RGS7: variants seen among roughly 807,000 people sequenced by gnomAD.
RGS7 encodes the protein regulator of G protein signaling 7.
In RGS7, 27 loss-of-function variants were observed where a neutral mutation model predicts 81.1. That is an observed-to-expected ratio of 0.33 (90% CI 0.25 to 0.46). The LOEUF is 0.46. RGS7 is among the 20% of genes least tolerant of loss of function. RGS7 has a pLI of 1.00. For missense variants in RGS7, 396 were observed against 607.4 expected, an observed-to-expected ratio of 0.65 and a Z score of 3.66; for synonymous variants, 208 against 207.7, an observed-to-expected ratio of 1.00 and a Z score of -0.01.
At chr1:241,049,877 C>T (rs139893430) in intron 3 of RGS7, among the ~76,000 whole-genome samples, 1 of 152,264 alleles carries the variant, frequency 6.6e-6, no homozygotes, top group Non-Finnish European at 1.5e-5. Flanking sequence ...TCACACTGTA[C>T]TAACCCAAAA....
intron 2 of RGS7, among the ~76,000 whole-genome samples, chr1:241,125,701 G>A (rs1283585836): frequency 6.6e-6 from 1 of 152,204 alleles, no homozygotes; most frequent in East Asian, 1.9e-4. Context: ...TAATAAGTGT[G>A]TAAATATTTA....
At chr1:241,087,713 C>T (rs2063529774) in intron 3 of RGS7, among the ~76,000 whole-genome samples, 1 of 152,042 alleles carries the variant, frequency 6.6e-6, no homozygotes, top group African/African-American at 2.4e-5. Context: ...CTTTGGGAGG[C>T]CGAGGTGGGC....
chr1:240,901,849 C>T (rs35870523), intron 6 of RGS7, among the ~76,000 whole-genome samples: 19,493 of 152,184 alleles, frequency 0.13, 1,367 homozygotes, highest in Middle Eastern at 0.18. Flanking sequence ...TCAAACTTAT[C>T]ACTCTTCATT....
At chr1:241,242,995 C>A (rs534967121) in intron 2 of RGS7, among the ~76,000 whole-genome samples, 2 of 151,944 alleles carry the variant, frequency 1.3e-5, no homozygotes, top group South Asian at 2.1e-4. Flanking sequence ...TAAGTCCCAT[C>A]TATTTATCTC....
chr1:240,958,399 G>A (rs572068658), intron 4 of RGS7, among the ~76,000 whole-genome samples: 3 of 152,300 alleles, frequency 2.0e-5, no homozygotes, highest in South Asian at 4.1e-4. Context: ...CAAGGCTGGA[G>A]GCTCTTTGCG....
chr1:240,945,558 G>A (rs539324845), intron 4 of RGS7, among the ~76,000 whole-genome samples: 3 of 152,284 alleles, frequency 2.0e-5, no homozygotes, highest in African/African-American at 7.2e-5. Context: ...CCTGTTAATG[G>A]TATCTCTTTT....
At chr1:241,356,420 G>A (rs1362785561) in intron 1 of RGS7, among the ~76,000 whole-genome samples, 1 of 152,170 alleles carries the variant, frequency 6.6e-6, no homozygotes, top group Non-Finnish European at 1.5e-5. Flanking sequence ...CCAGCCACCG[G>A]CTGCTCTCCT....
chr1:240,881,341 G>A (rs567627072), intron 6 of RGS7, among the ~76,000 whole-genome samples: 1 of 151,138 alleles, frequency 6.6e-6, no homozygotes, highest in South Asian at 2.1e-4. Context: ...ACACACGGGG[G>A]GCCTGTCGTG....
At chr1:240,798,597 C>A (rs1381910828) in intron 18 of RGS7, among the ~76,000 whole-genome samples, 1 of 152,130 alleles carries the variant, frequency 6.6e-6, no homozygotes, top group African/African-American at 2.4e-5. Context: ...CCTTCCCTAA[C>A]TATGTGACTC....
chr1:241,107,559 C>G (rs2065201868), intron 2 of RGS7, among the ~76,000 whole-genome samples: 1 of 152,140 alleles, frequency 6.6e-6, no homozygotes, highest in Admixed American at 6.5e-5. Flanking sequence ...ATTGGTCTTG[C>G]ATGAAAAATG....
chr1:241,099,533 C>T (rs2064560328), intron 2 of RGS7, among the ~76,000 whole-genome samples: 1 of 152,160 alleles, frequency 6.6e-6, no homozygotes, highest in Non-Finnish European at 1.5e-5. Context: ...CTCATTAGTA[C>T]ACTCTCTTTT....
At chr1:241,239,863 G>C (rs200028658) in intron 2 of RGS7, among the ~76,000 whole-genome samples, 1 of 152,282 alleles carries the variant, frequency 6.6e-6, no homozygotes, top group Non-Finnish European at 1.5e-5. Flanking sequence ...GAGAACTAGA[G>C]GGCCATCGAT....
chr1:241,250,624 C>T (rs2076784191), intron 2 of RGS7, among the ~76,000 whole-genome samples: 1 of 152,220 alleles, frequency 6.6e-6, no homozygotes, highest in Non-Finnish European at 1.5e-5. Flanking sequence ...CTTTCGCTTG[C>T]ATGAGTCATC....
intron 2 of RGS7, among the ~76,000 whole-genome samples, chr1:241,269,144 T>A (rs2077742583): frequency 6.6e-6 from 1 of 152,224 alleles, no homozygotes; most frequent in South Asian, 2.1e-4. Flanking sequence ...GCTCCCAGAT[T>A]AGTTTTAACA....
At chr1:241,310,857 G>T (rs1009955228) in intron 2 of RGS7, among the ~76,000 whole-genome samples, 3 of 152,168 alleles carry the variant, frequency 2.0e-5, no homozygotes, top group African/African-American at 7.2e-5. Context: ...TGGCTATCAG[G>T]AATATTTTTC....
intron 2 of RGS7, among the ~76,000 whole-genome samples, chr1:241,126,399 T>C (rs2066664600): frequency 6.6e-6 from 1 of 152,116 alleles, no homozygotes; most frequent in South Asian, 2.1e-4. Context: ...TCCGCCCGCC[T>C]TGGCCTCCCA....
At chr1:240,860,325 C>T (rs1272376748) in intron 9 of RGS7, among the ~76,000 whole-genome samples, 1 of 152,046 alleles carries the variant, frequency 6.6e-6, no homozygotes, top group South Asian at 2.1e-4. Flanking sequence ...AATAAAATAG[C>T]GTATTTATCC....
Position 241,190,202 on chromosome 1 carries a change from G to C in RGS7, c.79-91440C>G, listed in dbSNP as rs148231009. Among the ~76,000 whole-genome samples, 446 of 152,184 alleles carry C rather than the reference G, an allele frequency of 2.9e-3. 9 individuals are homozygous for C. Among genetic ancestry groups the C allele is most frequent in the Admixed American group, 0.027 (417 of 15,286 alleles). ...TGATTGCTAGTGGATTTATGTGTCT[G>C]TTCCACTGATAATCTTGATACTATA... On this transcript the variant is annotated intron_variant, in intron 2 of 18. Coordinates refer to ENST00000440928, the MANE Select transcript of RGS7 (RefSeq NM_001364886.1).
At chr1:241,255,249 T>G (rs377743103) in intron 2 of RGS7, among the ~76,000 whole-genome samples, 15 of 152,318 alleles carry the variant, frequency 9.8e-5, no homozygotes, top group Middle Eastern at 3.4e-3. Flanking sequence ...TATAAATAAA[T>G]GTATTTTGAG....
Sources: gnomAD v4.1 joint callset for allele counts (sites outside exome capture counted in the v4.1 genomes callset) on GRCh38, gnomAD v4.1.1 for gene constraint, MANE v1.5 for transcripts, NCBI Gene and HGNC (gene_info 2026-07-23, HGNC 2026-07-21) for gene names.